Variants in PHKB observed in about 807,000 individuals in gnomAD.
PHKB encodes the protein phosphorylase b kinase regulatory subunit beta.
In PHKB, 122 loss-of-function variants were observed where a neutral mutation model predicts 152.1. The ratio of observed to expected loss-of-function variants is 0.80; its 90% CI spans 0.69 to 0.93. The LOEUF (loss-of-function observed/expected upper bound fraction) is 0.93, where lower values mean the gene tolerates loss of function less well. Ranked by LOEUF, PHKB falls within the 40% of genes least tolerant of loss-of-function variation. The pLI is 0.00. For synonymous variants in PHKB, 436 were observed against 464.9 expected, an observed-to-expected ratio of 0.94 and a Z score of 0.80; for missense variants, 1,304 against 1,328.4, an observed-to-expected ratio of 0.98 and a Z score of 0.29.
rs149908527 is a variant in PHKB at position 47,587,203 on chromosome 16, T to G, written c.775-465T>G. Reference sequence around the variant, plus strand: ...TTAGTTGCTTTATTGTTATTTGAGATTCTCCTGTCTTCATATTTTAATCCA... The same window carrying G: ...TTAGTTGCTTTATTGTTATTTGAGAGTCTCCTGTCTTCATATTTTAATCCA... On this transcript the variant is annotated intron_variant, in intron 8 of 30. Coordinates refer to ENST00000323584, the MANE Select transcript of PHKB (RefSeq NM_000293.3). Among the ~76,000 whole-genome samples the G allele has an allele frequency of 5.7e-3, 870 of 152,336 alleles. 6 individuals carry two copies. Among genetic ancestry groups the G allele is most frequent in the African/African-American group, 0.02 (828 of 41,572 alleles).
At chr16:47,577,966 T>C (rs1426926676) in intron 7 of PHKB, among the ~76,000 whole-genome samples, 1 of 152,160 alleles carries the variant, frequency 6.6e-6, no homozygotes, top group East Asian at 1.9e-4. Context: ...TGTTAGATAC[T>C]TTGTTATGAT....
chr16:47,668,699 C>A (rs1973582641), intron 25 of PHKB, among the ~76,000 whole-genome samples: 1 of 152,146 alleles, frequency 6.6e-6, no homozygotes, highest in Non-Finnish European at 1.5e-5. Context: ...AGGCACCTTG[C>A]ATTATGCCCA....
intron 17 of PHKB, 144 bp downstream of exon 17, chr16:47,648,760 T>G: frequency 1.5e-6 from 1 of 688,982 alleles, no homozygotes; most frequent in Non-Finnish European, 2.7e-6. Flanking sequence ...CTAGTAAACA[T>G]TACTTATTTA....
intron 13 of PHKB, chr16:47,598,861 G>A (rs1303015917): frequency 1.2e-5 from 19 of 1,605,752 alleles, no homozygotes; most frequent in South Asian, 3.3e-5. Context: ...AATCTGTTCT[G>A]TATACTTTCT....
intron 6 of PHKB, among the ~76,000 whole-genome samples, chr16:47,532,990 C>T (rs565594360): frequency 6.6e-6 from 1 of 152,268 alleles, no homozygotes; most frequent in South Asian, 2.1e-4. Context: ...TTTCTGCAGC[C>T]AGGTTATCCT....
At chr16:47,533,993 C>G (rs566650571) in intron 6 of PHKB, among the ~76,000 whole-genome samples, 15 of 152,158 alleles carry the variant, frequency 9.9e-5, no homozygotes, top group East Asian at 3.9e-4. Context: ...GGGGCTCCCC[C>G]CTCCTCCCAG....
chr16:47,698,647 C>A (rs947768335), intron 30 of PHKB, 59 bp downstream of exon 30: 19 of 1,148,764 alleles, frequency 1.7e-5, no homozygotes, highest in Admixed American at 7.5e-5. Context: ...TGTCTCAATT[C>A]TTTAAAATAT....
intron 14 of PHKB, among the ~76,000 whole-genome samples, chr16:47,640,379 G>GTA (rs1464092551): frequency 1.3e-5 from 2 of 152,124 alleles, no homozygotes; most frequent in Admixed American, 6.5e-5. Flanking sequence ...ATTTAACAAT[G>GTA]TATAATACAT....
In PHKB at chr16:47,660,709, G is replaced by A. The variant is rs1340771051; in HGVS notation, c.2086G>A (p.Val696Ile). 5 of 1,614,012 alleles carry A rather than the reference G, an allele frequency of 3.1e-6. 1 individual carries two copies. The Admixed American group carries it at 8.3e-5, about 27-fold the overall frequency. ...ACTAGAACCTCCCAAACATTCAAAA[G>A]TCAAACGGCAAAGCAGCACCCCTAG... ...EELEPPKHSK[V>I]KRQSSTPSAP... Residue 696 changes from valine (V) to isoleucine (I), a missense_variant, in exon 22 of 31, where the codon GTC (valine) becomes ATC (isoleucine). By Grantham distance (29) the Val-to-Ile change is conservative. Coordinates refer to ENST00000323584, the MANE Select transcript of PHKB (RefSeq NM_000293.3).
chr16:47,685,438 A>G (rs1304951676), intron 26 of PHKB, among the ~76,000 whole-genome samples: 1 of 152,204 alleles, frequency 6.6e-6, no homozygotes, highest in African/African-American at 2.4e-5. Context: ...AAGAAAAAAA[A>G]AGAAAGCTTT....
At chr16:47,484,304 T>C (rs1004776750) in intron 1 of PHKB, among the ~76,000 whole-genome samples, 9 of 152,206 alleles carry the variant, frequency 5.9e-5, no homozygotes, top group Non-Finnish European at 1.3e-4. Flanking sequence ...ATAGGCAAAT[T>C]TTGCTTCCTT....
intron 7 of PHKB, among the ~76,000 whole-genome samples, chr16:47,562,656 T>C (rs1971496353): frequency 6.6e-6 from 1 of 152,238 alleles, no homozygotes. Context: ...AGGTCTTGCC[T>C]CAGTCTTGAT....
chr16:47,684,187 G>T (rs1325285388), intron 26 of PHKB, among the ~76,000 whole-genome samples: 1 of 151,942 alleles, frequency 6.6e-6, no homozygotes, highest in Non-Finnish European at 1.5e-5. Flanking sequence ...TTAAAAATTA[G>T]CTGGGTGTAG....
At chr16:47,614,779 G>A (rs902226232) in intron 14 of PHKB, among the ~76,000 whole-genome samples, 2 of 152,124 alleles carry the variant, frequency 1.3e-5, no homozygotes, top group African/African-American at 4.8e-5. Flanking sequence ...AAGTTCATGG[G>A]ATGATGGATA....
chr16:47,690,941 C>T (rs920134257), intron 27 of PHKB, among the ~76,000 whole-genome samples: 15 of 152,034 alleles, frequency 9.9e-5, no homozygotes, highest in Admixed American at 5.9e-4. Flanking sequence ...CATGATGGGC[C>T]GGGCATGGTG....
chr16:47,544,375 A>T (rs147117550), intron 6 of PHKB, among the ~76,000 whole-genome samples: 1 of 152,140 alleles, frequency 6.6e-6, no homozygotes, highest in South Asian at 2.1e-4. Flanking sequence ...CAGGTTCTTC[A>T]GTTTCCATGT....
intron 13 of PHKB, among the ~76,000 whole-genome samples, chr16:47,607,898 C>T (rs1381230885): frequency 1.3e-5 from 2 of 152,040 alleles, no homozygotes; most frequent in East Asian, 1.9e-4. Flanking sequence ...TGAAGTGATA[C>T]CTCATTGTGG....
chr16:47,461,336 G>A lies in PHKB; in HGVS notation c.-15G>A, dbSNP rs539348306. On this transcript the variant is annotated 5_prime_UTR_variant, in exon 1 of 31. Transcript: ENST00000323584. ...CGGCCCCGGGGGCGGTGGCCAAGGC[G>A]GCGACCGGAGCGCGATGGCGGGGGC... The A allele has an allele frequency of 3.7e-6, 6 of 1,601,910 alleles. No homozygotes were observed. Among genetic ancestry groups the A allele is most frequent in the Non-Finnish European group, 4.3e-6 (5 of 1,174,530 alleles).
At chr16:47,461,511 G>T (rs1567265930) in intron 1 of PHKB, 85 bp downstream of exon 1, 3 of 1,397,986 alleles carry the variant, frequency 2.1e-6, no homozygotes, top group East Asian at 4.6e-5. Context: ...GCAGGTGGGG[G>T]CCCTGGGAAT....
Sources: allele counts gnomAD v4.1 joint callset (sites outside exome capture counted in the v4.1 genomes callset), GRCh38; gene constraint gnomAD v4.1.1; transcripts MANE v1.5; gene names NCBI Gene and HGNC (gene_info 2026-07-23, HGNC 2026-07-21).